The following PITPNC1 variants were observed in gnomAD, a reference collection of about 807,000 sequenced individuals.
PITPNC1 encodes the protein phosphatidylinositol transfer protein cytoplasmic 1.
Under a neutral mutation model 44.7 loss-of-function variants are expected in PITPNC1, and 18 were observed. The ratio of observed to expected loss-of-function variants is 0.40; its 90% confidence interval spans 0.28 to 0.60. The LOEUF (loss-of-function observed/expected upper bound fraction) is 0.60. PITPNC1 is among the 20% of genes least tolerant of loss of function. PITPNC1 has a pLI of 0.39. For synonymous variants in PITPNC1, 141 were observed against 149.6 expected, an observed-to-expected ratio of 0.94 and a Z score of 0.42; for missense variants, 290 against 418.4, an observed-to-expected ratio of 0.69 and a Z score of 2.68.
Position 67,577,454 on chromosome 17 carries a change from G to A in PITPNC1, c.295-732G>A, listed in dbSNP as rs751024442. On this transcript the variant is annotated intron_variant, in intron 4 of 8. Coordinates refer to ENST00000581322, the MANE Select transcript of PITPNC1 (RefSeq NM_012417.4). ...AATACAAAAATTAGCCGGGCTACACGGAAGGCTAAGGCATGAGAATCACTT... is the reference window on the plus strand; with the variant it reads ...AATACAAAAATTAGCCGGGCTACACAGAAGGCTAAGGCATGAGAATCACTT... 9.2e-5 allele frequency among the ~76,000 whole-genome samples: 14 copies of A among 151,768 alleles called. No individual in the cohort carries two copies. The South Asian group carries it at 2.1e-3, about 23-fold the overall frequency.
At chr17:67,481,509 T>G (rs1010531769) in intron 1 of PITPNC1, among the ~76,000 whole-genome samples, 1 of 152,186 alleles carries the variant, frequency 6.6e-6, no homozygotes, top group Non-Finnish European at 1.5e-5. Context: ...TGATTGATTT[T>G]CAAATTTTTT....
chr17:67,489,928 G>A (rs1363278448), intron 1 of PITPNC1, among the ~76,000 whole-genome samples: 1 of 152,010 alleles, frequency 6.6e-6, no homozygotes, highest in African/African-American at 2.4e-5. Context: ...ATTTTTAGTA[G>A]AGACGGGGTT....
intron 1 of PITPNC1, among the ~76,000 whole-genome samples, chr17:67,441,376 A>C (rs1295313509): frequency 5.3e-5 from 8 of 151,314 alleles, no homozygotes; most frequent in Non-Finnish European, 1.0e-4. Context: ...CCTTGTTGTC[A>C]CTGACACTGT....
chr17:67,450,244 T>C (rs2039156200), intron 1 of PITPNC1, among the ~76,000 whole-genome samples: 1 of 152,220 alleles, frequency 6.6e-6, no homozygotes, highest in African/African-American at 2.4e-5. Flanking sequence ...GAATGCAAAC[T>C]GCGTTTTCTT....
At chr17:67,424,037 C>T (rs1331540097) in intron 1 of PITPNC1, among the ~76,000 whole-genome samples, 1 of 146,204 alleles carries the variant, frequency 6.8e-6, no homozygotes, top group Non-Finnish European at 1.5e-5. Flanking sequence ...TAAGAAATGA[C>T]CTCTCTAGAA....
intron 1 of PITPNC1, chr17:67,459,738 C>G (rs1289685598): frequency 2.6e-5 from 4 of 152,098 alleles, no homozygotes; most frequent in Non-Finnish European, 5.9e-5. Flanking sequence ...ATCAGTGAAG[C>G]CCATAAACTT....
At chr17:67,514,703 G>A (rs2040235499) in intron 1 of PITPNC1, among the ~76,000 whole-genome samples, 1 of 152,122 alleles carries the variant, frequency 6.6e-6, no homozygotes, top group African/African-American at 2.4e-5. Context: ...GCATGTGCCT[G>A]TAGTCCCAGC....
intron 2 of PITPNC1, among the ~76,000 whole-genome samples, chr17:67,550,092 C>T (rs1474838224): frequency 6.6e-6 from 1 of 152,166 alleles, no homozygotes; most frequent in Non-Finnish European, 1.5e-5. Context: ...TGGAATACAT[C>T]ATCAGCGAAA....
At chr17:67,665,985 C>T (rs903165299) in intron 6 of PITPNC1, among the ~76,000 whole-genome samples, 1 of 151,990 alleles carries the variant, frequency 6.6e-6, no homozygotes, top group African/African-American at 2.4e-5. Context: ...GGATTACAGG[C>T]ATGCATCACC....
intron 1 of PITPNC1, among the ~76,000 whole-genome samples, chr17:67,383,588 G>C (rs2037996600): frequency 6.6e-6 from 1 of 152,154 alleles, no homozygotes; most frequent in African/African-American, 2.4e-5. Context: ...TGCTCACCAA[G>C]GAGGCTCCTT....
At chr17:67,545,553 G>A (rs2040668233) in intron 2 of PITPNC1, among the ~76,000 whole-genome samples, 1 of 147,116 alleles carries the variant, frequency 6.8e-6, no homozygotes, top group African/African-American at 2.4e-5. Context: ...TCCAGCCTGG[G>A]TGACAGAGCA....
chr17:67,556,275 C>G (rs184941448), intron 4 of PITPNC1, among the ~76,000 whole-genome samples: 2 of 152,200 alleles, frequency 1.3e-5, no homozygotes, highest in African/African-American at 4.8e-5. Flanking sequence ...GAAAAGTACA[C>G]AGCACTCAAG....
At chr17:67,619,523 G>A (rs982844440) in intron 5 of PITPNC1, among the ~76,000 whole-genome samples, 1 of 152,042 alleles carries the variant, frequency 6.6e-6, no homozygotes, top group African/African-American at 2.4e-5. Context: ...CACTCCACCA[G>A]GGGCTCAACA....
intron 1 of PITPNC1, among the ~76,000 whole-genome samples, chr17:67,481,134 G>A (rs748398734): frequency 3.9e-5 from 6 of 152,236 alleles, no homozygotes; most frequent in Admixed American, 6.5e-5. Flanking sequence ...TTGAACCCAG[G>A]AGGCGGAGGT....
At chr17:67,428,882 C>G (rs1485225024) in intron 1 of PITPNC1, among the ~76,000 whole-genome samples, 3 of 138,930 alleles carry the variant, frequency 2.2e-5, no homozygotes, top group Non-Finnish European at 1.5e-5. Context: ...GCTCTGTCAC[C>G]CAGGCTAAAG....
At chr17:67,404,256 T>C (rs1043108658) in intron 1 of PITPNC1, among the ~76,000 whole-genome samples, 1 of 152,244 alleles carries the variant, frequency 6.6e-6, no homozygotes, top group Non-Finnish European at 1.5e-5. Context: ...ACATTCTCAG[T>C]GGAAAATGAC....
chr17:67,674,281 AC>A (rs1356576113), intron 7 of PITPNC1, among the ~76,000 whole-genome samples: 1 of 152,168 alleles, frequency 6.6e-6, no homozygotes, highest in Non-Finnish European at 1.5e-5. Context: ...AGACAGGTGA[AC>A]TGCTCGAGGC....
intron 1 of PITPNC1, among the ~76,000 whole-genome samples, chr17:67,517,387 ATGT>A (rs781204551): frequency 3.9e-5 from 6 of 152,230 alleles, no homozygotes; most frequent in Non-Finnish European, 8.8e-5. Context: ...ATGGTCAAAC[ATGT>A]TGTTACCATG....
chr17:67,634,010 C>G (rs945311736), intron 6 of PITPNC1, among the ~76,000 whole-genome samples: 32 of 152,212 alleles, frequency 2.1e-4, no homozygotes, highest in African/African-American at 7.5e-4. Context: ...AATCAAGTCT[C>G]ATTTCTAGTC....
Sources: allele counts gnomAD v4.1 joint callset (sites outside exome capture counted in the v4.1 genomes callset), GRCh38; gene constraint gnomAD v4.1.1; transcripts MANE v1.5; gene names NCBI Gene and HGNC (gene_info 2026-07-23, HGNC 2026-07-21).